PIK3CG: variants seen among roughly 807,000 people sequenced by gnomAD.
PIK3CG encodes the protein phosphatidylinositol-4,5-bisphosphate 3-kinase catalytic subunit gamma.
A neutral mutation model predicts 102.3 loss-of-function variants in PIK3CG; 55 were observed. That is an observed-to-expected ratio of 0.54 (90% CI 0.43 to 0.67). The LOEUF (loss-of-function observed/expected upper bound fraction) is 0.67, where lower values mean the gene tolerates loss of function less well. Among genes scored for constraint, PIK3CG ranks in the 30% least tolerant of loss-of-function variants. PIK3CG has a pLI of 0.00. For synonymous variants in PIK3CG, 552 were observed against 540.0 expected (o/e 1.02, Z -0.31); for missense variants, 1,258 against 1,391.8 (o/e 0.90, Z 1.53).
chr7:106,898,298 T>G (rs1225055384), intron 10 of PIK3CG, among the ~76,000 whole-genome samples: 2 of 152,178 alleles, frequency 1.3e-5, no homozygotes, highest in Admixed American at 6.5e-5. Context: ...AGATGCATAG[T>G]TTGTAAATAT....
In PIK3CG at chr7:106,897,480, G is replaced by T. The variant is rs1028486572; in HGVS notation, c.3031-7629G>T. 6.6e-6 allele frequency among the ~76,000 whole-genome samples: 1 copy of T among 152,054 alleles called. No individual in the cohort carries two copies. Among genetic ancestry groups the T allele is most frequent in the Non-Finnish European group, 1.5e-5 (1 of 68,000 alleles). The stretch of plus-strand genomic sequence containing the variant: ...TTGTACACATCATTTCGTCACCCAG[G>T]CATTAAGCCCAGTACCCAATAGTTA... On this transcript the variant is annotated intron_variant, in intron 10 of 10. Coordinates refer to ENST00000496166, the MANE Select transcript of PIK3CG (RefSeq NM_001282426.2). This position sits in a 1 kb window ranked among gnomAD's most constrained non-coding sequence, Gnocchi z 4.6.
At chr7:106,875,911 T>TG (rs201954834) in intron 5 of PIK3CG, among the ~76,000 whole-genome samples, 7,845 of 145,932 alleles carry the variant, frequency 0.054, 284 homozygotes, top group Middle Eastern at 0.11. Context: ...TTTTTTTTGT[T>TG]TTTTTTTTTT....
In PIK3CG at chr7:106,902,353, G is replaced by A. The variant is rs1045378774; in HGVS notation, c.3031-2756G>A. 6.6e-6 allele frequency among the ~76,000 whole-genome samples: 1 copy of A among 152,050 alleles called. No homozygotes were observed. The highest frequency in any genetic ancestry group is 2.4e-5 in the African/African-American group (1 of 41,360). ...TGGAGGTGTAAAATCACCCTTTCTA[G>A]GTGTACAGTTCTGTGAATTTTGACA... is the stretch of plus-strand genomic sequence containing the variant. On this transcript the variant is annotated intron_variant, in intron 10 of 10. Coordinates refer to ENST00000496166, the MANE Select transcript of PIK3CG (RefSeq NM_001282426.2). The surrounding 1 kb of genome is among the most constrained non-coding windows in gnomAD (Gnocchi z 4.3).
intron 10 of PIK3CG, among the ~76,000 whole-genome samples, chr7:106,888,186 G>A (rs947470524): frequency 6.6e-6 from 1 of 152,004 alleles, no homozygotes; most frequent in Non-Finnish European, 1.5e-5. Context: ...TGATCCGCCT[G>A]CCTCGGCCTC....
intron 6 of PIK3CG, among the ~76,000 whole-genome samples, chr7:106,881,883 A>C (rs1364648319): frequency 6.6e-6 from 1 of 152,052 alleles, no homozygotes; most frequent in Non-Finnish European, 1.5e-5. Flanking sequence ...AAAACAAGAA[A>C]TGTATTTATC....
rs779200246 is a variant in PIK3CG, at chr7:106,868,211, A to T, written c.650A>T (p.Asn217Ile). The change falls in exon 2 of 11, where the codon AAC becomes ATC. Residue 217 changes from asparagine (N) to isoleucine (I), a missense_variant. Asn to Ile is a moderately radical substitution (Grantham distance 149, BLOSUM62 -3). Transcript: ENST00000496166. The surrounding 1 kb of genome is among the most constrained non-coding windows in gnomAD (Gnocchi z 6.2). ...LPEYLWKKIA[N>I]NCIFIVIHRS... ...GAGTACCTGTGGAAGAAGATTGCCA[A>T]CAACTGCATCTTCATCGTCATTCAC... is the stretch of plus-strand genomic sequence containing the variant. 1.2e-6 allele frequency: 2 copies of T among 1,612,488 alleles called. No homozygotes were observed. Among genetic ancestry groups the T allele is most frequent in the South Asian group, 2.2e-5 (2 of 91,086 alleles).
intron 9 of PIK3CG, among the ~76,000 whole-genome samples, chr7:106,885,930 G>T (rs999961968): frequency 6.6e-6 from 1 of 152,216 alleles, no homozygotes; most frequent in East Asian, 1.9e-4. Context: ...ACACCAGAAG[G>T]ATATCAAAAA....
chr7:106,896,808 G>T (rs1414960966), intron 10 of PIK3CG, among the ~76,000 whole-genome samples: 4 of 152,158 alleles, frequency 2.6e-5, no homozygotes. Context: ...GTCTCACTTA[G>T]AAAATGCCAG....
intron 1 of PIK3CG, among the ~76,000 whole-genome samples, chr7:106,866,383 G>C (rs1790284093): frequency 4.6e-5 from 7 of 152,184 alleles, no homozygotes; most frequent in Admixed American, 4.6e-4. Flanking sequence ...TCCTATTGCA[G>C]TATGTCCTAT....
At position 106,868,789 on chromosome 7, in the gene PIK3CG, T is replaced by G; in HGVS notation, c.1228T>G (p.Trp410Gly). The G allele has an allele frequency of 1.2e-6, 2 of 1,614,184 alleles. No homozygotes were observed. The highest frequency in any genetic ancestry group is 1.7e-6 in the Non-Finnish European group (2 of 1,180,034). Residue 410 changes from tryptophan to glycine, a missense_variant, in exon 2 of 11, where the codon TGG (tryptophan) becomes GGG (glycine). Transcript: ENST00000496166. The surrounding 1 kb of genome is among the most constrained non-coding windows in gnomAD (Gnocchi z 6.2). Reference protein sequence around the residue: ...SPKPFTEEVLWNVWLEFSIKI... With the variant: ...SPKPFTEEVLGNVWLEFSIKI... Reference sequence around the variant, plus strand: ...CAAACCCTTCACAGAGGAGGTGCTGTGGAATGTGTGGCTTGAGTTCAGTAT... The same window carrying G: ...CAAACCCTTCACAGAGGAGGTGCTGGGGAATGTGTGGCTTGAGTTCAGTAT...
intron 10 of PIK3CG, among the ~76,000 whole-genome samples, chr7:106,889,881 C>A (rs988511290): frequency 1.3e-5 from 2 of 152,160 alleles, no homozygotes; most frequent in Non-Finnish European, 2.9e-5. Flanking sequence ...AAAACCAAGG[C>A]CCAGCGTTTG....
At position 106,868,638 on chromosome 7, in the gene PIK3CG, C is replaced by T. The variant is rs771836359; in HGVS notation, c.1077C>T (p.Arg359=). ...CCGTGTCCCTGTGGGACTGCGACCG[C>T]AAGTTCAGGGTCAAGATCAGAGGCA... is the stretch of plus-strand genomic sequence containing the variant. ...VFTVSLWDCD[R]KFRVKIRGID... is the part of the protein sequence containing the mutation. The change falls in exon 2 of 11, where the codon CGC becomes CGT. Residue 359 remains arginine (R), a synonymous_variant. Coordinates refer to ENST00000496166, the MANE Select transcript of PIK3CG (RefSeq NM_001282426.2). This position sits in a 1 kb window ranked among gnomAD's most constrained non-coding sequence, Gnocchi z 6.2. 1.9e-6 allele frequency: 3 copies of T among 1,614,210 alleles called. No individual in the cohort carries two copies. The highest frequency in any genetic ancestry group is 1.1e-5 in the South Asian group (1 of 91,086).
chr7:106,867,614 G>T lies in PIK3CG; in HGVS notation c.53G>T (p.Arg18Leu), dbSNP rs142380460. Residue 18 changes from arginine to leucine, a missense_variant, in exon 2 of 11, where the codon CGA becomes CTA. By Grantham distance (102) the Arg-to-Leu change is moderately radical. Around this residue, in one of 2 missense-constraint regions of PIK3CG, gnomAD observed 832 missense variants for 787.5 expected, o/e 1.06. Coordinates refer to ENST00000496166, the MANE Select transcript of PIK3CG (RefSeq NM_001282426.2). The surrounding 1 kb of genome is among the most constrained non-coding windows in gnomAD (Gnocchi z 5.1). Reference protein sequence around the residue: ...QPVVLREDNCRRRRRMKPRSA... With the variant: ...QPVVLREDNCLRRRRMKPRSA... ...GTGGTGCTGAGAGAGGACAACTGCC[G>T]AAGGCGCCGGAGGATGAAGCCGCGC... 1 of 1,609,312 alleles carries T rather than the reference G, an allele frequency of 6.2e-7. No individual in the cohort carries two copies. Among genetic ancestry groups the T allele is most frequent in the Non-Finnish European group, 8.5e-7 (1 of 1,178,148 alleles).
chr7:106,883,398 A>G lies in PIK3CG; in HGVS notation c.2760+235A>G, dbSNP rs374029003. Among the ~76,000 whole-genome samples the G allele has an allele frequency of 1.4e-4, 22 of 152,336 alleles. No individual in the cohort carries two copies. The East Asian group carries it at 2.1e-3, about 15-fold the overall frequency. The stretch of plus-strand genomic sequence containing the variant: ...ATGAGCATTTGCTTCTCTTTTGATT[A>G]TCAGGCATACTTTGCTTAAAATTTG... On this transcript the variant is annotated intron_variant, in intron 8 of 10. Transcript: ENST00000496166. This position sits in a 1 kb window ranked among gnomAD's most constrained non-coding sequence, Gnocchi z 5.8.
Position 106,879,317 on chromosome 7 carries a change from A to G in PIK3CG, c.2392-202A>G, listed in dbSNP as rs936344611. ...GCACAGTTTGAGAGGCACTGGTTTA[A>G]GAGTTGTGAATTCGCTCTCACATGG... On this transcript the variant is annotated intron_variant, in intron 5 of 10. Transcript: ENST00000496166. The surrounding 1 kb of genome is among the most constrained non-coding windows in gnomAD (Gnocchi z 4.9). 6.6e-6 allele frequency among the ~76,000 whole-genome samples: 1 copy of G among 152,184 alleles called. No homozygotes were observed. The highest frequency in any genetic ancestry group is 1.5e-5 in the Non-Finnish European group (1 of 68,036).
chr7:106,892,486 A>G lies in PIK3CG; in HGVS notation c.3030+6194A>G, dbSNP rs1179297490. ...TCCCAGTTTGGCCCCTTTCAAATAC[A>G]GTTGTTCCCTAATTCATCCTGATTT... is the stretch of plus-strand genomic sequence containing the variant. On this transcript the variant is annotated intron_variant, in intron 10 of 10. Transcript: ENST00000496166. This position sits in a 1 kb window ranked among gnomAD's most constrained non-coding sequence, Gnocchi z 5.2. Among the ~76,000 whole-genome samples, 2 of 152,356 alleles carry G rather than the reference A, an allele frequency of 1.3e-5. No homozygotes were observed. The highest frequency in any genetic ancestry group is 2.1e-4 in the South Asian group (1 of 4,832).
rs1050156265 is a variant in PIK3CG at position 106,877,719 on chromosome 7, G to C, written c.2392-1800G>C. ...GTGTGGGTCTACACCTAGATTCTCT[G>C]TTCTGTTCCACTGATCTAAATGTCT... On this transcript the variant is annotated intron_variant, in intron 5 of 10. Coordinates refer to ENST00000496166, the MANE Select transcript of PIK3CG (RefSeq NM_001282426.2). The surrounding 1 kb of genome is among the most constrained non-coding windows in gnomAD (Gnocchi z 4.5). 6.6e-6 allele frequency among the ~76,000 whole-genome samples: 1 copy of C among 152,098 alleles called. No individual in the cohort carries two copies. Among genetic ancestry groups the C allele is most frequent in the South Asian group, 2.1e-4 (1 of 4,832 alleles).
intron 6 of PIK3CG, among the ~76,000 whole-genome samples, chr7:106,881,199 A>G (rs1790921329): frequency 6.6e-6 from 1 of 152,152 alleles, no homozygotes; most frequent in Non-Finnish European, 1.5e-5. Context: ...GTTAATCGCC[A>G]AAATTGCTGG....
At position 106,893,950 on chromosome 7, in the gene PIK3CG, A is replaced by G. The variant is rs774092093; in HGVS notation, c.3030+7658A>G. Among the ~76,000 whole-genome samples the G allele has an allele frequency of 2.0e-5, 3 of 152,224 alleles. No individual in the cohort carries two copies. Among genetic ancestry groups the G allele is most frequent in the Non-Finnish European group, 4.4e-5 (3 of 68,038 alleles). On this transcript the variant is annotated intron_variant, in intron 10 of 10. Coordinates refer to ENST00000496166, the MANE Select transcript of PIK3CG (RefSeq NM_001282426.2). The surrounding 1 kb of genome is among the most constrained non-coding windows in gnomAD (Gnocchi z 4.4). ...CTGTAGGCAGTTGTGACACAATGTT[A>G]TGCACTTGTGTATCTAAACACATCT...
Sources: allele counts gnomAD v4.1 joint callset (sites outside exome capture counted in the v4.1 genomes callset), GRCh38; gene constraint gnomAD v4.1.1; regional missense constraint gnomAD v4.1.1; non-coding constraint Gnocchi (gnomAD v3.1); transcripts MANE v1.5; gene names NCBI Gene and HGNC (gene_info 2026-07-23, HGNC 2026-07-21).